Variants in EHHADH observed in about 807,000 individuals in gnomAD.
The protein encoded by EHHADH is enoyl-CoA hydratase and 3-hydroxyacyl CoA dehydrogenase.
A neutral mutation model predicts 64.4 loss-of-function variants in EHHADH; 48 were observed. The observed-to-expected ratio is 0.75, with a 90% confidence interval of 0.59 to 0.95. The LOEUF is 0.95. EHHADH is among the 40% of genes least tolerant of loss of function. The probability of loss-of-function intolerance (pLI) is 0.00; values close to 1 mark genes in which losing one functional copy is unlikely to be tolerated. For missense variants in EHHADH, 854 were observed against 876.6 expected (o/e 0.97, Z 0.33); for synonymous variants, 308 against 326.7 (o/e 0.94, Z 0.62).
chr3:185,228,750 G>A (rs1719070098), intron 4 of EHHADH, among the ~76,000 whole-genome samples: 1 of 152,074 alleles, frequency 6.6e-6, no homozygotes. Flanking sequence ...GAAAAATTTA[G>A]TCATTTTCAT....
intron 2 of EHHADH, among the ~76,000 whole-genome samples, chr3:185,245,190 A>G (rs1719563108): frequency 6.6e-6 from 1 of 152,092 alleles, no homozygotes; most frequent in Middle Eastern, 3.2e-3. Context: ...ACTTTAATTT[A>G]TCTTGTATTT....
At chr3:185,230,282 T>C (rs541802330) in intron 3 of EHHADH, among the ~76,000 whole-genome samples, 1 of 152,292 alleles carries the variant, frequency 6.6e-6, no homozygotes, top group Admixed American at 6.5e-5. Context: ...ATGTTAAACA[T>C]AGAGTTACCA....
At chr3:185,211,783 C>T (rs1246831479) in intron 5 of EHHADH, among the ~76,000 whole-genome samples, 2 of 152,002 alleles carry the variant, frequency 1.3e-5, no homozygotes, top group African/African-American at 2.4e-5. Context: ...ATGTTCACAG[C>T]GGGTAAAAAT....
chr3:185,200,833 C>T (rs1162104747), intron 6 of EHHADH, among the ~76,000 whole-genome samples: 6 of 152,076 alleles, frequency 3.9e-5, no homozygotes, highest in Non-Finnish European at 5.9e-5. Flanking sequence ...GCGTCTCCTG[C>T]GGGGCTGAGA....
At chr3:185,246,286 A>G in intron 2 of EHHADH, 1 of 812,324 alleles carries the variant, frequency 1.2e-6, no homozygotes, top group Non-Finnish European at 2.0e-6. Context: ...TCAGCTTCCA[A>G]ATCTTTGTCC....
At chr3:185,201,989 C>CA (rs1218468587) in intron 6 of EHHADH, among the ~76,000 whole-genome samples, 1 of 152,130 alleles carries the variant, frequency 6.6e-6, no homozygotes, top group African/African-American at 2.4e-5. Context: ...TTTAATAGTA[C>CA]AAAAAGAGGA....
chr3:185,206,256 A>G (rs189929931), intron 5 of EHHADH, among the ~76,000 whole-genome samples: 1 of 151,304 alleles, frequency 6.6e-6, no homozygotes, highest in East Asian at 1.9e-4. Flanking sequence ...GTAGTGGGAT[A>G]ATTGGATATC....
intron 4 of EHHADH, among the ~76,000 whole-genome samples, chr3:185,228,139 G>A (rs1719039911): frequency 7.0e-6 from 1 of 143,816 alleles, no homozygotes. Context: ...TAAACCTGAG[G>A]CAGGAGAATC....
intron 6 of EHHADH, among the ~76,000 whole-genome samples, chr3:185,193,832 G>A (rs1158788035): frequency 3.3e-5 from 5 of 152,074 alleles, no homozygotes; most frequent in Admixed American, 6.6e-5. Context: ...ACTTACAATA[G>A]CATCAAAAAG....
At chr3:185,240,273 C>T (rs1456414205) in intron 2 of EHHADH, among the ~76,000 whole-genome samples, 3 of 148,562 alleles carry the variant, frequency 2.0e-5, no homozygotes, top group African/African-American at 7.5e-5. Context: ...CAAGGTGGTA[C>T]TGCTTTCATA....
At chr3:185,245,339 C>T in intron 2 of EHHADH, 1 of 379,814 alleles carries the variant, frequency 2.6e-6, no homozygotes, top group Non-Finnish European at 4.6e-6. Context: ...CAACCAGCCA[C>T]TAGCCAAAGA....
chr3:185,235,072 T>A (rs1226923810), intron 3 of EHHADH, among the ~76,000 whole-genome samples: 1 of 152,072 alleles, frequency 6.6e-6, no homozygotes, highest in African/African-American at 2.4e-5. Flanking sequence ...CCCAGCTTCT[T>A]GGGAGGCTGA....
intron 2 of EHHADH, among the ~76,000 whole-genome samples, chr3:185,240,835 G>A (rs1017438608): frequency 1.3e-5 from 2 of 151,492 alleles, no homozygotes; most frequent in African/African-American, 4.9e-5. Flanking sequence ...AGGTTATTGG[G>A]GTACAGGTGG....
At chr3:185,213,661 C>T (rs1363433060) in intron 5 of EHHADH, among the ~76,000 whole-genome samples, 5 of 151,562 alleles carry the variant, frequency 3.3e-5, no homozygotes, top group Non-Finnish European at 7.4e-5. Context: ...GGGTGGATCA[C>T]CTGAGGTCAG....
intron 2 of EHHADH, among the ~76,000 whole-genome samples, chr3:185,247,238 C>T (rs1719620000): frequency 6.6e-6 from 1 of 151,960 alleles, no homozygotes; most frequent in Admixed American, 6.6e-5. Context: ...TTTCATAATC[C>T]CTAATACTTT....
intron 2 of EHHADH, among the ~76,000 whole-genome samples, chr3:185,237,180 C>T (rs1255173091): frequency 6.6e-6 from 1 of 152,184 alleles, no homozygotes; most frequent in African/African-American, 2.4e-5. Context: ...ATTTCCAGCA[C>T]ATCAAAATCT....
chr3:185,201,222 A>G (rs1046572844), intron 6 of EHHADH, among the ~76,000 whole-genome samples: 1 of 152,094 alleles, frequency 6.6e-6, no homozygotes, highest in African/African-American at 2.4e-5. Flanking sequence ...TGAGGAGGCA[A>G]AAAACCCAGA....
chr3:185,197,263 G>C (rs1285118980), intron 6 of EHHADH, among the ~76,000 whole-genome samples: 1 of 152,046 alleles, frequency 6.6e-6, no homozygotes, highest in African/African-American at 2.4e-5. Flanking sequence ...TTCTTTTTTG[G>C]TGATATGCTT....
intron 6 of EHHADH, among the ~76,000 whole-genome samples, chr3:185,202,168 T>C (rs1419659199): frequency 6.6e-6 from 1 of 152,006 alleles, no homozygotes; most frequent in Admixed American, 6.6e-5. Context: ...TGAAACCCTG[T>C]CTCTACTAAA....
Sources: gnomAD v4.1 joint callset for allele counts (sites outside exome capture counted in the v4.1 genomes callset) on GRCh38, gnomAD v4.1.1 for gene constraint, MANE v1.5 for transcripts, NCBI Gene and HGNC (gene_info 2026-07-23, HGNC 2026-07-21) for gene names.